SHQ1: variants seen among roughly 807,000 people sequenced by gnomAD.
The protein encoded by SHQ1 is protein SHQ1 homolog.
Under a neutral mutation model 53.8 loss-of-function variants are expected in SHQ1, and 49 were observed. The ratio of observed to expected loss-of-function variants is 0.91; its 90% confidence interval spans 0.72 to 1.16. The LOEUF (loss-of-function observed/expected upper bound fraction) is 1.16. Ranked by LOEUF, SHQ1 falls within the 50% of genes most tolerant of loss-of-function variation. SHQ1 has a pLI of 0.00. For synonymous variants in SHQ1, 243 were observed against 251.0 expected (o/e 0.97, Z 0.30); for missense variants, 738 against 683.1 (o/e 1.08, Z -0.90).
intron 6 of SHQ1, among the ~76,000 whole-genome samples, chr3:72,821,335 T>C (rs940441004): frequency 6.6e-6 from 1 of 152,192 alleles, no homozygotes; most frequent in African/African-American, 2.4e-5. Flanking sequence ...GATTAACCAC[T>C]GAAAGACAAC....
At chr3:72,840,242 T>TA (rs71623990) in intron 4 of SHQ1, among the ~76,000 whole-genome samples, 1,340 of 93,332 alleles carry the variant, frequency 0.014, 14 homozygotes, top group Non-Finnish European at 0.018. Flanking sequence ...GACTCTGTCT[T>TA]AAAAAAAAAA....
rs1472566357 is a variant in SHQ1, at chr3:72,824,502, G to A, written c.649C>T (p.Pro217Ser). The A allele has an allele frequency of 6.2e-7, 1 of 1,612,420 alleles. No homozygotes were observed. Among genetic ancestry groups the A allele is most frequent in the South Asian group, 1.1e-5 (1 of 90,688 alleles). ...TTTGAATATTTGTCAGTCCACCAAG[G>A]ATTATACTTCAAAATCTGTTCAATC... The part of the protein sequence containing the change: ...EAIEQILKYN[P>S]WWTDKYSKMM... Residue 217 changes from proline (P) to serine (S), a missense_variant, in exon 6 of 11, where the codon CCT becomes TCT. By Grantham distance (74) the Pro-to-Ser change is moderately conservative. Transcript: ENST00000325599.
At chr3:72,785,778 T>G (rs1361631675) in intron 10 of SHQ1, among the ~76,000 whole-genome samples, 2 of 152,218 alleles carry the variant, frequency 1.3e-5, no homozygotes, top group Non-Finnish European at 2.9e-5. Context: ...CCACTCCGAT[T>G]ATTATTATAC....
the SHQ1 span, among the ~76,000 whole-genome samples, chr3:72,732,389 C>CCTTCCTT: frequency 1.3e-5 from 1 of 75,610 alleles, no homozygotes; most frequent in East Asian, 4.6e-4. Flanking sequence ...TGCCTGCCTG[C>CCTTCCTT]CTTCCTTCCT....
chr3:72,789,160 A>G (rs1396691716), intron 10 of SHQ1, among the ~76,000 whole-genome samples: 1 of 152,186 alleles, frequency 6.6e-6, no homozygotes, highest in Non-Finnish European at 1.5e-5. Context: ...GAAATATCAA[A>G]ATACTAATAT....
In SHQ1 at chr3:72,772,881, T is replaced by C. The variant is rs1705884957; in HGVS notation, c.1181+20035A>G. 3.8e-6 allele frequency: 3 copies of C among 784,492 alleles called. No individual in the cohort carries two copies. The South Asian group carries it at 4.1e-5, about 11-fold the overall frequency. 48.6% of individuals were successfully genotyped at this position (784,492 alleles called of 1,614,324 possible). Reference sequence around the variant, plus strand: ...CAAAATGGGAAGCTGTGGACAAATCTGAATTGGAAGCACAGGCTGTTACAA... The same window carrying C: ...CAAAATGGGAAGCTGTGGACAAATCCGAATTGGAAGCACAGGCTGTTACAA... On this transcript the variant is annotated intron_variant, in intron 10 of 10. Coordinates refer to ENST00000325599, the MANE Select transcript of SHQ1 (RefSeq NM_018130.3).
downstream of SHQ1, among the ~76,000 whole-genome samples, chr3:72,745,224 T>C (rs1038480500): frequency 1.3e-5 from 2 of 152,054 alleles, no homozygotes; most frequent in African/African-American, 4.8e-5. Context: ...GTATTAATAA[T>C]AGAATTTGAT....
At position 72,750,048 on chromosome 3, in the gene SHQ1, C is replaced by T. The variant is rs1705331285; in HGVS notation, c.*236G>A. ...AAATGCTGTGGAAATAGTTGTCATA[C>T]TGTATTATTTAGAGAATAATAACAA... On this transcript the variant is annotated 3_prime_UTR_variant, in exon 11 of 11. Transcript: ENST00000325599. The T allele has an allele frequency of 2.0e-6, 1 of 500,006 alleles. No homozygotes were observed. The highest frequency in any genetic ancestry group is 3.5e-6 in the Non-Finnish European group (1 of 284,828). The allele number at this position is 500,006 out of a possible 1,614,324, so 31.0% of individuals were successfully genotyped here.
chr3:72,801,665 G>A (rs1445934931), intron 9 of SHQ1, among the ~76,000 whole-genome samples: 1 of 152,174 alleles, frequency 6.6e-6, no homozygotes, highest in Non-Finnish European at 1.5e-5. Context: ...CAGTGAATAT[G>A]TTTGCTTTCT....
Position 72,817,726 on chromosome 3 carries a change from CTAAA to C in SHQ1, c.728-346_728-343del, listed in dbSNP as rs536779701. Among the ~76,000 whole-genome samples, 706 of 152,110 alleles carry C rather than the reference CTAAA, an allele frequency of 4.6e-3. 2 individuals carry two copies. The highest frequency in any genetic ancestry group is 0.014 in the African/African-American group (601 of 41,490). ...TAATACATTTTGACAACAGAAAGTG[CTAAA>C]TAAAGCACACTGAAAATATTCGTTA... On this transcript the variant is annotated intron_variant, in intron 6 of 10. Transcript: ENST00000325599.
At chr3:72,789,660 A>G (rs1472034222) in intron 10 of SHQ1, among the ~76,000 whole-genome samples, 4 of 152,244 alleles carry the variant, frequency 2.6e-5, no homozygotes, top group African/African-American at 9.6e-5. Context: ...CAATTTGAGT[A>G]AAACTGATTG....
the SHQ1 span, among the ~76,000 whole-genome samples, chr3:72,741,099 GAA>G: frequency 6.6e-6 from 1 of 152,148 alleles, no homozygotes; most frequent in African/African-American, 2.4e-5. Context: ...TGGTACTTTT[GAA>G]AAGTTTCTTG....
chr3:72,803,241 GATC>G (rs1706844218), intron 9 of SHQ1, among the ~76,000 whole-genome samples: 1 of 152,092 alleles, frequency 6.6e-6, no homozygotes, highest in South Asian at 2.1e-4. Context: ...AAATTTTAAA[GATC>G]ATTTTACTTT....
chr3:72,752,395 T>C (rs80093473), intron 10 of SHQ1, among the ~76,000 whole-genome samples: 2,683 of 152,274 alleles, frequency 0.018, 96 homozygotes, highest in African/African-American at 0.062. Context: ...TGACGGAGCC[T>C]TTTCACTGCC....
At chr3:72,841,462 T>C (rs528649320) in intron 3 of SHQ1, among the ~76,000 whole-genome samples, 5 of 151,758 alleles carry the variant, frequency 3.3e-5, no homozygotes, top group Admixed American at 6.6e-5. Context: ...ACAAAAATAA[T>C]GTTAAGTGAA....
chr3:72,810,840 C>T (rs1327612426), intron 9 of SHQ1, among the ~76,000 whole-genome samples: 1 of 152,144 alleles, frequency 6.6e-6, no homozygotes, highest in Non-Finnish European at 1.5e-5. Flanking sequence ...ACTAACTAGC[C>T]ACAACCCAAA....
At chr3:72,730,825 T>C in the SHQ1 span, among the ~76,000 whole-genome samples, 4 of 152,094 alleles carry the variant, frequency 2.6e-5, no homozygotes, top group South Asian at 2.1e-4. Context: ...TCCTTCCATG[T>C]CTGCTTTCTG....
chr3:72,789,465 T>C (rs1706369063), intron 10 of SHQ1, among the ~76,000 whole-genome samples: 1 of 152,188 alleles, frequency 6.6e-6, no homozygotes, highest in East Asian at 1.9e-4. Flanking sequence ...CATGGAACTG[T>C]TAAATTTCAG....
At chr3:72,821,477 G>A (rs1290773909) in intron 6 of SHQ1, among the ~76,000 whole-genome samples, 1 of 152,170 alleles carries the variant, frequency 6.6e-6, no homozygotes, top group Non-Finnish European at 1.5e-5. Flanking sequence ...TCTCCCTGTT[G>A]TAACTCAGGG....
Sources: gnomAD v4.1 joint callset for allele counts (sites outside exome capture counted in the v4.1 genomes callset) on GRCh38, gnomAD v4.1.1 for gene constraint, MANE v1.5 for transcripts, NCBI Gene and HGNC (gene_info 2026-07-23, HGNC 2026-07-21) for gene names.